The following ZFHX3 variants were observed in gnomAD, a reference collection of about 807,000 sequenced individuals.
ZFHX3 encodes zinc finger homeobox 3.
Under a neutral mutation model 279.1 loss-of-function variants are expected in ZFHX3, and 42 were observed. The observed-to-expected ratio is 0.15, with a 90% CI of 0.12 to 0.19. ZFHX3 has a LOEUF of 0.19. Ranked by LOEUF, ZFHX3 falls within the 10% of genes least tolerant of loss-of-function variation. The pLI is 1.00. For missense variants in ZFHX3, 4,981 were observed against 4,754.0 expected (o/e 1.05, Z -1.40); for synonymous variants, 2,293 against 1,957.8 (o/e 1.17, Z -4.52).
At chr16:73,078,792 C>T (rs578260139) in intron 8 of ZFHX3, among the ~76,000 whole-genome samples, 7 of 152,156 alleles carry the variant, frequency 4.6e-5, no homozygotes, top group Non-Finnish European at 8.8e-5. Context: ...CTACAGGCGT[C>T]CGCCACCATG....
intron 9 of ZFHX3, chr16:72,789,867 A>AACC (rs2035621749): frequency 6.6e-6 from 1 of 152,260 alleles, no homozygotes; most frequent in Admixed American, 6.5e-5. Context: ...GTTGAGAAAC[A>AACC]ACCGCAGGAA....
chr16:73,625,789 C>G (rs1369013123), intron 2 of ZFHX3, among the ~76,000 whole-genome samples: 2 of 152,162 alleles, frequency 1.3e-5, no homozygotes, highest in Non-Finnish European at 2.9e-5. Context: ...TGTTGGTGGT[C>G]CCAGAACCAC....
At chr16:73,335,887 T>C (rs2143242521) in intron 3 of ZFHX3, among the ~76,000 whole-genome samples, 1 of 152,372 alleles carries the variant, frequency 6.6e-6, no homozygotes, top group African/African-American at 2.4e-5. Context: ...TAATGAGTTT[T>C]TGACTCTCAC....
intron 4 of ZFHX3, among the ~76,000 whole-genome samples, chr16:72,881,313 G>C (rs975142105): frequency 2.0e-5 from 3 of 152,184 alleles, no homozygotes; most frequent in Non-Finnish European, 4.4e-5. Flanking sequence ...AGACCAGAAA[G>C]CCCAGGAACC....
chr16:73,046,985 C>T (rs1965323886), intron 1 of ZFHX3, among the ~76,000 whole-genome samples: 1 of 152,228 alleles, frequency 6.6e-6, no homozygotes, highest in African/African-American at 2.4e-5. Flanking sequence ...CTGTGCCACG[C>T]AATTCCCTCT....
intron 4 of ZFHX3, among the ~76,000 whole-genome samples, chr16:73,286,129 C>T (rs369458922): frequency 5.2e-4 from 79 of 152,170 alleles, no homozygotes; most frequent in Non-Finnish European, 7.9e-4. Flanking sequence ...CTTCCCTCCG[C>T]GGCTCCCATG....
Position 72,788,115 on chromosome 16 carries a change from CTGCTGCTGCTGTAGT to C in ZFHX3, c.10146_10160del (p.Leu3383_Gln3387del). ...GCTGCTGCTGCTGCACTTTTTGCTG[CTGCTGCTGCTGTAGT>C]TGCCGCTGCTGCTGCTGCTGAATTG... On this transcript the variant is annotated inframe_deletion, in exon 10 of 10. Transcript: ENST00000268489. 1.3e-6 allele frequency: 2 copies of C among 1,596,560 alleles called. No individual in the cohort carries two copies. The highest frequency in any genetic ancestry group is 8.6e-7 in the Non-Finnish European group (1 of 1,167,876).
At chr16:73,001,459 T>G (rs1238011039) in intron 1 of ZFHX3, among the ~76,000 whole-genome samples, 1 of 152,060 alleles carries the variant, frequency 6.6e-6, no homozygotes, top group African/African-American at 2.4e-5. Flanking sequence ...CTACTGAACT[T>G]AGGGGTAATC....
At chr16:73,407,787 G>C (rs914511645) in intron 3 of ZFHX3, among the ~76,000 whole-genome samples, 5 of 152,236 alleles carry the variant, frequency 3.3e-5, no homozygotes, top group Non-Finnish European at 5.9e-5. Flanking sequence ...TCCAGAGGCA[G>C]CAAGTTCTGT....
At chr16:73,530,353 A>C (rs2019776909) in intron 2 of ZFHX3, among the ~76,000 whole-genome samples, 1 of 152,162 alleles carries the variant, frequency 6.6e-6, no homozygotes, top group African/African-American at 2.4e-5. Flanking sequence ...GGGTGGGGAC[A>C]CAGCCAAACA....
At chr16:73,432,622 T>G (rs530270637) in intron 3 of ZFHX3, among the ~76,000 whole-genome samples, 1 of 152,196 alleles carries the variant, frequency 6.6e-6, no homozygotes, top group African/African-American at 2.4e-5. Context: ...CATGCCTCTT[T>G]GCCATGTAAT....
At chr16:73,087,119 T>TA (rs1273730912) in intron 8 of ZFHX3, among the ~76,000 whole-genome samples, 2 of 152,144 alleles carry the variant, frequency 1.3e-5, no homozygotes, top group Non-Finnish European at 2.9e-5. Flanking sequence ...AGAAAAACAC[T>TA]AAAAACTTTT....
At chr16:73,059,521 CCTTTCTCTCT>C (rs1442996189) in exon 1 of ZFHX3, 3 of 63,976 alleles carry the variant, frequency 4.7e-5, no homozygotes, top group African/African-American at 2.2e-4. Context: ...ATTATTTTCC[CCTTTCTCTCT>C]CTCTCTCTCT....
In ZFHX3 at chr16:73,227,096, C is replaced by T. The variant is rs551637335; in HGVS notation, c.-1104+29951G>A. Among the ~76,000 whole-genome samples the T allele has an allele frequency of 6.6e-5, 10 of 152,156 alleles. No individual in the cohort carries two copies. In the South Asian group the frequency reaches 8.3e-4, roughly 13 times the overall value. On this transcript the variant is annotated intron_variant, in intron 5 of 17. Coordinates refer to the ZFHX3 transcript ENST00000641206. Reference sequence around the variant, plus strand: ...CTGGGACACTATTAAACTTGATTTACGTTAATAGCACTGTAAGAAGATATT... The same window carrying T: ...CTGGGACACTATTAAACTTGATTTATGTTAATAGCACTGTAAGAAGATATT...
chr16:73,285,768 G>A (rs1012685483), intron 4 of ZFHX3, among the ~76,000 whole-genome samples: 1 of 152,096 alleles, frequency 6.6e-6, no homozygotes, highest in African/African-American at 2.4e-5. Flanking sequence ...GCAGGCTCTG[G>A]GGAAATAAGT....
chr16:73,786,268 C>G (rs1959642375), intron 1 of ZFHX3, among the ~76,000 whole-genome samples: 1 of 151,726 alleles, frequency 6.6e-6, no homozygotes, highest in Non-Finnish European at 1.5e-5. Context: ...TATATGTTTT[C>G]TTCTACTTTC....
intron 1 of ZFHX3, among the ~76,000 whole-genome samples, chr16:72,965,035 G>C (rs953733230): frequency 1.3e-5 from 2 of 151,522 alleles, no homozygotes; most frequent in Non-Finnish European, 2.9e-5. Flanking sequence ...CCACCACCAC[G>C]TCTGGCTAAC....
intron 5 of ZFHX3, among the ~76,000 whole-genome samples, chr16:73,214,114 C>T (rs192689199): frequency 1.3e-5 from 2 of 152,352 alleles, no homozygotes; most frequent in South Asian, 2.1e-4. Context: ...GACCCCAGCT[C>T]AGTGTCAGTG....
At chr16:73,241,731 G>A (rs531275316) in intron 5 of ZFHX3, among the ~76,000 whole-genome samples, 62 of 147,248 alleles carry the variant, frequency 4.2e-4, no homozygotes, top group Admixed American at 6.9e-4. Context: ...CGGAGGTTGC[G>A]GTGAAGCAAG....
Sources: allele counts gnomAD v4.1 joint callset (sites outside exome capture counted in the v4.1 genomes callset), GRCh38; gene constraint gnomAD v4.1.1; transcripts MANE v1.5; gene names NCBI Gene and HGNC (gene_info 2026-07-23, HGNC 2026-07-21).